GALNT2: variants seen among roughly 807,000 people sequenced by gnomAD.
The protein encoded by GALNT2 is polypeptide N-acetylgalactosaminyltransferase 2.
Under a neutral mutation model 81.4 loss-of-function variants are expected in GALNT2, and 31 were observed. The observed-to-expected ratio is 0.38, with a 90% confidence interval of 0.29 to 0.51. The LOEUF is 0.51. Ranked by LOEUF, GALNT2 falls within the 20% of genes least tolerant of loss-of-function variation. GALNT2 has a pLI of 0.87. For synonymous variants in GALNT2, 303 were observed against 287.4 expected (o/e 1.05, Z -0.55); for missense variants, 629 against 765.7 (o/e 0.82, Z 2.11).
chr1:230,119,431 T>C (rs1660947335), intron 1 of GALNT2, among the ~76,000 whole-genome samples: 1 of 152,182 alleles, frequency 6.6e-6, no homozygotes, highest in African/African-American at 2.4e-5. Flanking sequence ...TTTCTTCCTC[T>C]TTGAGGGATG....
chr1:230,154,938 G>A (rs563966278), intron 1 of GALNT2, among the ~76,000 whole-genome samples: 29 of 152,114 alleles, frequency 1.9e-4, no homozygotes, highest in Non-Finnish European at 3.7e-4. Flanking sequence ...TTTATCATTT[G>A]GCATGACATC....
chr1:230,136,533 C>T (rs1012460085), intron 1 of GALNT2, among the ~76,000 whole-genome samples: 3 of 152,192 alleles, frequency 2.0e-5, no homozygotes, highest in Non-Finnish European at 4.4e-5. Context: ...TCACTGCCCC[C>T]CATCCAGAGC....
At position 230,178,482 on chromosome 1, in the gene GALNT2, G is replaced by A. The variant is rs375078327; in HGVS notation, c.220+171G>A. On this transcript the variant is annotated intron_variant, in intron 2 of 15. Coordinates refer to ENST00000366672, the MANE Select transcript of GALNT2 (RefSeq NM_004481.5). ...ACTTCCATCGGACCCATTAGTGGGT[G>A]GTCAAGTTAAAACTTTTATAGGAGG... Among the ~76,000 whole-genome samples, 17 of 151,992 alleles carry A rather than the reference G, an allele frequency of 1.1e-4. No individual in the cohort carries two copies. The East Asian group carries it at 1.7e-3, about 16-fold the overall frequency.
At chr1:230,278,168 G>A (rs2102785790) in intron 15 of GALNT2, among the ~76,000 whole-genome samples, 1 of 148,220 alleles carries the variant, frequency 6.7e-6, no homozygotes, top group African/African-American at 2.5e-5. Context: ...AGACTGGAGT[G>A]CAGGGGTGGG....
At chr1:230,253,434 C>T (rs1013567020) in intron 10 of GALNT2, among the ~76,000 whole-genome samples, 3 of 152,144 alleles carry the variant, frequency 2.0e-5, no homozygotes, top group African/African-American at 7.2e-5. Context: ...CAGGATTTGC[C>T]ATCAACTCAC....
At chr1:230,084,908 ATGTC>A (rs1466639826) in intron 1 of GALNT2, among the ~76,000 whole-genome samples, 1 of 152,134 alleles carries the variant, frequency 6.6e-6, no homozygotes, top group Non-Finnish European at 1.5e-5. Context: ...GGAGACAAGA[ATGTC>A]TGCTTTTTCG....
chr1:230,271,830 T>C lies in GALNT2; in HGVS notation c.1441-2615T>C, dbSNP rs982488333. ...CAGCCACATCCCGGAGTGCAAGGAC[T>C]TTGACGGAGGCCTCATCACATGGGC... On this transcript the variant is annotated intron_variant, in intron 14 of 15. Coordinates refer to ENST00000366672, the MANE Select transcript of GALNT2 (RefSeq NM_004481.5). The surrounding 1 kb of genome is among the most constrained non-coding windows in gnomAD (Gnocchi z 4.2). Among the ~76,000 whole-genome samples, 11 of 152,208 alleles carry C rather than the reference T, an allele frequency of 7.2e-5. No homozygotes were observed. Among genetic ancestry groups the C allele is most frequent in the African/African-American group, 2.4e-4 (10 of 41,454 alleles).
intron 3 of GALNT2, among the ~76,000 whole-genome samples, chr1:230,211,219 C>T (rs1408685859): frequency 6.6e-6 from 1 of 151,830 alleles, no homozygotes; most frequent in Non-Finnish European, 1.5e-5. Flanking sequence ...CGAGCACCCA[C>T]TCCTCCCGCA....
chr1:230,271,765 C>T lies in GALNT2; in HGVS notation c.1441-2680C>T, dbSNP rs572539348. 5.9e-5 allele frequency among the ~76,000 whole-genome samples: 9 copies of T among 152,368 alleles called. No homozygotes were observed. Among genetic ancestry groups the T allele is most frequent in the South Asian group, 2.1e-4 (1 of 4,830 alleles). On this transcript the variant is annotated intron_variant, in intron 14 of 15. Transcript: ENST00000366672. This position sits in a 1 kb window ranked among gnomAD's most constrained non-coding sequence, Gnocchi z 4.2. Reference sequence around the variant, plus strand: ...TGGGGTGTTGGAGCTTCCACGCCCTCTCCAGGTGTGCCGCTCTCCCAGCGC... The same window carrying T: ...TGGGGTGTTGGAGCTTCCACGCCCTTTCCAGGTGTGCCGCTCTCCCAGCGC...
chr1:230,231,868 C>G (rs1362826976), intron 3 of GALNT2, among the ~76,000 whole-genome samples: 2 of 152,226 alleles, frequency 1.3e-5, no homozygotes, highest in Admixed American at 1.3e-4. Context: ...CCCGCCCACT[C>G]TTCTCAGAGT....
chr1:230,074,769 C>T (rs1438244339), intron 1 of GALNT2, among the ~76,000 whole-genome samples: 1 of 152,180 alleles, frequency 6.6e-6, no homozygotes, highest in Non-Finnish European at 1.5e-5. Flanking sequence ...AAAAGGGCTG[C>T]ATTTCATCTC....
At chr1:230,216,740 T>A (rs1664400649) in intron 3 of GALNT2, among the ~76,000 whole-genome samples, 1 of 151,250 alleles carries the variant, frequency 6.6e-6, no homozygotes, top group Non-Finnish European at 1.5e-5. Flanking sequence ...TACTCTGGAG[T>A]TGTTAAATGT....
chr1:230,155,232 G>C (rs1050126636), intron 1 of GALNT2, among the ~76,000 whole-genome samples: 2 of 152,178 alleles, frequency 1.3e-5, no homozygotes, highest in African/African-American at 4.8e-5. Flanking sequence ...GTCACCGTTT[G>C]GGGCCTGCAT....
intron 1 of GALNT2, among the ~76,000 whole-genome samples, chr1:230,085,658 C>T (rs16850875): frequency 0.045 from 6,829 of 152,208 alleles, 173 homozygotes; most frequent in South Asian, 0.075. Context: ...TGAATGTAGG[C>T]GGTAATGTTT....
At chr1:230,093,142 A>C (rs796646836) in intron 1 of GALNT2, among the ~76,000 whole-genome samples, 4 of 152,220 alleles carry the variant, frequency 2.6e-5, no homozygotes, top group Admixed American at 6.5e-5. Flanking sequence ...TGAACGTGCA[A>C]TTGTATCTTG....
At chr1:230,103,270 G>C (rs1198249218) in intron 1 of GALNT2, among the ~76,000 whole-genome samples, 1 of 152,170 alleles carries the variant, frequency 6.6e-6, no homozygotes, top group Non-Finnish European at 1.5e-5. Flanking sequence ...AACGTTCATG[G>C]AATCTCAGTT....
rs61825393 is a variant in GALNT2 at position 230,117,478 on chromosome 1, G to A, written c.126+50072G>A. 8.2e-3 allele frequency among the ~76,000 whole-genome samples: 1,243 copies of A among 152,332 alleles called. 8 individuals are homozygous for A. Among genetic ancestry groups the A allele is most frequent in the Non-Finnish European group, 0.013 (873 of 68,032 alleles). ...GCTTTTGATTTAAGGTGAGAGATGT[G>A]CCGCTCCTCCTTTCACTTGAACACT... On this transcript the variant is annotated intron_variant, in intron 1 of 15. Coordinates refer to ENST00000366672, the MANE Select transcript of GALNT2 (RefSeq NM_004481.5).
rs568461409 is a variant in GALNT2, at chr1:230,156,574, C to T, written c.127-21644C>T. ...TCCTAGATGCTGGATATTTTATTAT[C>T]GTTTGTCACGGATCAATTTATTTTT... On this transcript the variant is annotated intron_variant, in intron 1 of 15. Transcript: ENST00000366672. 6.6e-5 allele frequency among the ~76,000 whole-genome samples: 10 copies of T among 152,200 alleles called. No individual in the cohort carries two copies. The South Asian group carries it at 1.2e-3, about 19-fold the overall frequency.
intron 1 of GALNT2, among the ~76,000 whole-genome samples, chr1:230,172,353 G>A (rs1662821050): frequency 6.6e-6 from 1 of 152,168 alleles, no homozygotes; most frequent in African/African-American, 2.4e-5. Context: ...GCAGACCCCA[G>A]CCCTAGGCAA....
Sources: allele counts gnomAD v4.1 joint callset (sites outside exome capture counted in the v4.1 genomes callset), GRCh38; gene constraint gnomAD v4.1.1; non-coding constraint Gnocchi (gnomAD v3.1); transcripts MANE v1.5; gene names NCBI Gene and HGNC (gene_info 2026-07-23, HGNC 2026-07-21).